The following MGAT5 variants were observed in gnomAD, a reference collection of about 807,000 sequenced individuals.
MGAT5 encodes alpha-1,6-mannosylglycoprotein 6-beta-N-acetylglucosaminyltransferase.
In MGAT5, 30 loss-of-function variants were observed where a neutral mutation model predicts 94.3. The ratio of observed to expected loss-of-function variants is 0.32; its 90% CI spans 0.24 to 0.43. The LOEUF is 0.43. Ranked by LOEUF, MGAT5 falls within the 20% of genes least tolerant of loss-of-function variation. MGAT5 has a pLI of 1.00. For missense variants in MGAT5, 691 were observed against 905.5 expected, an observed-to-expected ratio of 0.76 and a Z score of 3.04; for synonymous variants, 310 against 322.9, an observed-to-expected ratio of 0.96 and a Z score of 0.43.
At chr2:134,275,676 C>T (rs979044986) in intron 2 of MGAT5, among the ~76,000 whole-genome samples, 4 of 148,086 alleles carry the variant, frequency 2.7e-5, no homozygotes, top group African/African-American at 1.0e-4. Context: ...CTCGACCTTC[C>T]ATGTCCCCAC....
intron 1 of MGAT5, among the ~76,000 whole-genome samples, chr2:134,134,962 C>A (rs1686339529): frequency 6.6e-6 from 1 of 152,126 alleles, no homozygotes; most frequent in Non-Finnish European, 1.5e-5. Context: ...GGAAATTTAC[C>A]ATTTTGGAAA....
At chr2:134,347,702 A>G (rs977979344) in intron 8 of MGAT5, among the ~76,000 whole-genome samples, 5 of 152,222 alleles carry the variant, frequency 3.3e-5, no homozygotes, top group Non-Finnish European at 4.4e-5. Flanking sequence ...TGAAAGTACT[A>G]TACCACTTTA....
rs187872092 is a variant in MGAT5 at position 134,338,568 on chromosome 2, G to C, written c.807+148G>C. On this transcript the variant is annotated intron_variant, in intron 6 of 15. Coordinates refer to ENST00000281923, the MANE Select transcript of MGAT5 (RefSeq NM_002410.5). ...TCAGTCTCTTGTACAGCTGTTTTTG[G>C]GTTGTCCTTTCCCCACTTACAATGC... The C allele has an allele frequency of 6.8e-5, 59 of 866,580 alleles. No individual in the cohort carries two copies. In the African/African-American group the frequency reaches 9.9e-4, roughly 15 times the overall value. The allele number at this position is 866,580 out of a possible 1,614,324, so 53.7% of individuals were successfully genotyped here. A position where few individuals can be genotyped will look rare whatever the true frequency, so the allele number is the denominator to read the frequency against.
intron 2 of MGAT5, among the ~76,000 whole-genome samples, chr2:134,313,843 C>T (rs1215817464): frequency 6.6e-6 from 1 of 152,068 alleles, no homozygotes; most frequent in Non-Finnish European, 1.5e-5. Flanking sequence ...AGCATAGTAC[C>T]CACCTCCCTC....
chr2:134,286,437 TC>T (rs1473154245), intron 2 of MGAT5, among the ~76,000 whole-genome samples: 1 of 151,722 alleles, frequency 6.6e-6, no homozygotes, highest in African/African-American at 2.4e-5. Flanking sequence ...GATTTCTTTT[TC>T]TTTTTTTTTT....
chr2:134,187,178 T>G (rs1179656163), intron 1 of MGAT5, among the ~76,000 whole-genome samples: 1 of 152,100 alleles, frequency 6.6e-6, no homozygotes, highest in East Asian at 1.9e-4. Flanking sequence ...GGCTCAGAAT[T>G]TGGGTTCCAT....
intron 9 of MGAT5, among the ~76,000 whole-genome samples, chr2:134,360,836 G>A (rs1211976985): frequency 2.6e-5 from 4 of 152,156 alleles, no homozygotes; most frequent in Admixed American, 6.5e-5. Context: ...GTTCAAAAAC[G>A]CAGAAATGAA....
chr2:134,449,064 G>A lies in MGAT5; in HGVS notation c.*217G>A, dbSNP rs1685956825. The A allele has an allele frequency of 1.7e-6, 1 of 575,738 alleles. No individual in the cohort carries two copies. The highest frequency in any genetic ancestry group is 2.9e-5 in the East Asian group (1 of 34,430). The allele number at this position is 575,738 out of a possible 1,614,324, so 35.7% of individuals were successfully genotyped here. On this transcript the variant is annotated 3_prime_UTR_variant, in exon 16 of 16. Transcript: ENST00000281923. ...GAGCGTATGTCAGGCCAGGAGCCTG[G>A]CTTGTCCCTGGCACAACATCATTTC...
chr2:134,370,215 C>T (rs543812555), intron 10 of MGAT5, among the ~76,000 whole-genome samples: 2 of 152,232 alleles, frequency 1.3e-5, no homozygotes, highest in South Asian at 4.1e-4. Flanking sequence ...AATGAACCAC[C>T]CAAGACCTTT....
chr2:134,407,367 A>T (rs1220431327), intron 11 of MGAT5, among the ~76,000 whole-genome samples: 1 of 152,158 alleles, frequency 6.6e-6, no homozygotes, highest in Non-Finnish European at 1.5e-5. Flanking sequence ...ATGGGGAAAA[A>T]ATTGTACGAA....
At chr2:134,241,491 A>G (rs1023037870) in intron 1 of MGAT5, among the ~76,000 whole-genome samples, 5 of 152,224 alleles carry the variant, frequency 3.3e-5, no homozygotes, top group African/African-American at 1.2e-4. Context: ...ATATGTACTA[A>G]CAAGTATATA....
Position 134,338,413 on chromosome 2 carries a change from G to A in MGAT5, c.800G>A (p.Arg267Gln), listed in dbSNP as rs150500954. ...AAGCAGAACCTTGAAAAGAGAAAGC[G>A]GAAGAAAGTGAGTTTCTTATTAATT... Reference protein sequence around the residue: ...AEKQNLEKRKRKKVLVHLGLL... With the variant: ...AEKQNLEKRKQKKVLVHLGLL... Residue 267 changes from arginine (R) to glutamine (Q), a missense_variant, in exon 6 of 16, where the codon CGG becomes CAG. By Grantham distance (43) the Arg-to-Gln change is conservative (BLOSUM62 1). Coordinates refer to ENST00000281923, the MANE Select transcript of MGAT5 (RefSeq NM_002410.5). The A allele has an allele frequency of 7.3e-5, 117 of 1,597,080 alleles. No individual in the cohort carries two copies. The highest frequency in any genetic ancestry group is 3.4e-4 in the East Asian group (15 of 44,678).
At chr2:134,313,257 T>G (rs1686802770) in intron 2 of MGAT5, among the ~76,000 whole-genome samples, 1 of 152,144 alleles carries the variant, frequency 6.6e-6, no homozygotes, top group African/African-American at 2.4e-5. Context: ...CTGCGTGTAT[T>G]TGTGACATCT....
rs907773179 is a variant in MGAT5, at chr2:134,418,409, G to A, written c.1678-4394G>A. Among the ~76,000 whole-genome samples, 3 of 152,094 alleles carry A rather than the reference G, an allele frequency of 2.0e-5. No individual in the cohort carries two copies. In the East Asian group the frequency reaches 5.8e-4, roughly 29 times the overall value. ...AAACTGTGGGATCCTTTCAACAGTC[G>A]CTCAGCAAGTGACCTCACACAGATG... On this transcript the variant is annotated intron_variant, in intron 12 of 15. Coordinates refer to ENST00000281923, the MANE Select transcript of MGAT5 (RefSeq NM_002410.5).
At chr2:134,255,261 T>C (rs1173864150) in intron 1 of MGAT5, among the ~76,000 whole-genome samples, 1 of 152,178 alleles carries the variant, frequency 6.6e-6, no homozygotes, top group African/African-American at 2.4e-5. Context: ...TTCAGAATTC[T>C]TTTTGAAATC....
At chr2:134,365,711 T>C (rs939483530) in intron 10 of MGAT5, among the ~76,000 whole-genome samples, 2 of 152,152 alleles carry the variant, frequency 1.3e-5, no homozygotes, top group African/African-American at 4.8e-5. Context: ...TGCTGGAGTT[T>C]CTGGCAGCTT....
At chr2:134,230,964 A>T (rs1353923408) in intron 1 of MGAT5, among the ~76,000 whole-genome samples, 1 of 152,248 alleles carries the variant, frequency 6.6e-6, no homozygotes, top group Non-Finnish European at 1.5e-5. Flanking sequence ...CTGTAAACAA[A>T]ATGAAGCACT....
chr2:134,168,563 C>G (rs779255182), intron 1 of MGAT5, among the ~76,000 whole-genome samples: 3 of 152,220 alleles, frequency 2.0e-5, no homozygotes, highest in Admixed American at 6.5e-5. Flanking sequence ...TTTAGCTGCT[C>G]TGCCCATGTG....
At chr2:134,187,934 C>T (rs993319659) in intron 1 of MGAT5, among the ~76,000 whole-genome samples, 4 of 152,204 alleles carry the variant, frequency 2.6e-5, no homozygotes, top group African/African-American at 9.6e-5. Flanking sequence ...AGGTTTGTGT[C>T]AGCCGTGGAG....
Sources: allele counts gnomAD v4.1 joint callset (sites outside exome capture counted in the v4.1 genomes callset), GRCh38; gene constraint gnomAD v4.1.1; transcripts MANE v1.5; gene names NCBI Gene and HGNC (gene_info 2026-07-23, HGNC 2026-07-21).